Variants in IKZF1 observed in about 807,000 individuals in gnomAD.
IKZF1 encodes the protein IKAROS family zinc finger 1, also known as DNA-binding protein Ikaros.
Under a neutral mutation model 51.7 loss-of-function variants are expected in IKZF1, and 10 were observed. The observed-to-expected ratio is 0.19, with a 90% CI of 0.12 to 0.33. The LOEUF (loss-of-function observed/expected upper bound fraction) is 0.33, where lower values mean the gene tolerates loss of function less well. IKZF1 is among the 10% of genes least tolerant of loss of function. IKZF1 has a pLI of 1.00. For missense variants in IKZF1, 484 were observed against 707.5 expected (o/e 0.68, Z 3.58); for synonymous variants, 280 against 282.3 (o/e 0.99, Z 0.08).
intron 3 of IKZF1, among the ~76,000 whole-genome samples, chr7:50,371,697 A>G (rs536022924): frequency 6.1e-4 from 93 of 152,324 alleles, no homozygotes; most frequent in African/African-American, 2.2e-3. Context: ...TCAGGGGCCA[A>G]GCTGAGGAAG....
At chr7:50,337,611 G>T (rs921143056) in intron 3 of IKZF1, among the ~76,000 whole-genome samples, 5 of 152,216 alleles carry the variant, frequency 3.3e-5, no homozygotes, top group Non-Finnish European at 7.3e-5. Flanking sequence ...TAGAGTAGGT[G>T]CTGTCTGATA....
chr7:50,384,558 G>A (rs2153481110), intron 5 of IKZF1, among the ~76,000 whole-genome samples: 1 of 152,376 alleles, frequency 6.6e-6, no homozygotes, highest in South Asian at 2.1e-4. Flanking sequence ...GTTCCCCTGA[G>A]ATAGGAAGAC....
chr7:50,395,299 C>T (rs1335480235), intron 7 of IKZF1, among the ~76,000 whole-genome samples: 1 of 152,120 alleles, frequency 6.6e-6, no homozygotes, highest in African/African-American at 2.4e-5. Flanking sequence ...ACTTATCATA[C>T]ATGCCTTAAA....
At chr7:50,341,581 C>T (rs910175500) in intron 3 of IKZF1, among the ~76,000 whole-genome samples, 76 of 152,218 alleles carry the variant, frequency 5.0e-4, no homozygotes, top group African/African-American at 1.8e-3. Context: ...ATCTGTGGAA[C>T]ATTATTTGTG....
rs1250483988 is a variant in IKZF1 at position 50,315,278 on chromosome 7, T to TGGG, written c.-14-3769_-14-3767dup. ...AGGGAGGGAGAGACAGAGAAAGAGA[T>TGGG]GGGAGGTAGGTGTGGGAGGAGGGAG... is the stretch of plus-strand genomic sequence containing the variant. On this transcript the variant is annotated intron_variant, in intron 1 of 7. Coordinates refer to ENST00000331340, the MANE Select transcript of IKZF1 (RefSeq NM_006060.6). Among the ~76,000 whole-genome samples the TGGG allele has an allele frequency of 3.3e-5, 5 of 151,718 alleles. No individual in the cohort carries two copies. In the South Asian group the frequency reaches 1.0e-3, roughly 32 times the overall value.
chr7:50,310,338 T>A (rs1584370135), intron 1 of IKZF1, among the ~76,000 whole-genome samples: 1 of 152,200 alleles, frequency 6.6e-6, no homozygotes, highest in Non-Finnish European at 1.5e-5. Context: ...AATTTCAACT[T>A]ACTTAAGAGC....
chr7:50,319,875 G>C (rs1348463477), intron 2 of IKZF1, among the ~76,000 whole-genome samples: 1 of 152,212 alleles, frequency 6.6e-6, no homozygotes, highest in Non-Finnish European at 1.5e-5. Context: ...CCTTGGCTGA[G>C]CGCCCTCGTG....
Position 50,400,045 on chromosome 7 carries a change from C to T in IKZF1, c.978C>T (p.Ser326=). 1 of 1,609,284 alleles carries T rather than the reference C, an allele frequency of 6.2e-7. No individual in the cohort carries two copies. The highest frequency in any genetic ancestry group is 1.3e-5 in the African/African-American group (1 of 74,912). ...NNAINYLGAE[S]LRPLVQTPPG... is the part of the protein sequence containing the mutation. Reference sequence around the variant, plus strand: ...CCATCAACTACCTGGGGGCCGAGTCCCTGCGCCCGCTGGTGCAGACGCCCC... The same window carrying T: ...CCATCAACTACCTGGGGGCCGAGTCTCTGCGCCCGCTGGTGCAGACGCCCC... Residue 326 remains serine, a synonymous_variant, in exon 8 of 8, where the codon TCC becomes TCT. Coordinates refer to ENST00000331340, the MANE Select transcript of IKZF1 (RefSeq NM_006060.6). This position sits in a 1 kb window ranked among gnomAD's most constrained non-coding sequence, Gnocchi z 5.4.
At chr7:50,347,502 C>T (rs878986707) in intron 3 of IKZF1, among the ~76,000 whole-genome samples, 1 of 152,084 alleles carries the variant, frequency 6.6e-6, no homozygotes, top group African/African-American at 2.4e-5. Flanking sequence ...TTGCGAGTTG[C>T]CTAAAGTGGG....
Position 50,401,674 on chromosome 7 carries a change from T to A in IKZF1, c.*1047T>A, listed in dbSNP as rs1317520624. The A allele has an allele frequency of 2.7e-5, 6 of 218,688 alleles. No homozygotes were observed. The highest frequency in any genetic ancestry group is 5.5e-5 in the Non-Finnish European group (6 of 108,820). 13.5% of individuals were successfully genotyped at this position (218,688 alleles called of 1,614,324 possible). ...CATTTTAATTATGTACATCTGTTTG[T>A]AGCCACAAGCCTGAATTTCTCAGTG... On this transcript the variant is annotated 3_prime_UTR_variant, in exon 8 of 8. Transcript: ENST00000331340.
chr7:50,318,978 ATC>A (rs1792347828), intron 1 of IKZF1, 68 bp from the exon 2 acceptor site: 14 of 961,376 alleles, frequency 1.5e-5, no homozygotes, highest in Non-Finnish European at 2.0e-5. Context: ...GGGGTTCTTT[ATC>A]TCTCTCTCTT....
chr7:50,355,352 T>C (rs1158455611), intron 3 of IKZF1, among the ~76,000 whole-genome samples: 1 of 152,110 alleles, frequency 6.6e-6, no homozygotes, highest in East Asian at 1.9e-4. Flanking sequence ...AGTGAGCTAT[T>C]GAGGGGTTGA....
At chr7:50,394,903 T>C (rs73695636) in intron 7 of IKZF1, among the ~76,000 whole-genome samples, 5,982 of 152,288 alleles carry the variant, frequency 0.039, 259 homozygotes, top group African/African-American at 0.11. Context: ...TTGTATTAAA[T>C]AGCAATGATA....
At chr7:50,359,303 A>G (rs1375627003) in intron 3 of IKZF1, among the ~76,000 whole-genome samples, 1 of 152,210 alleles carries the variant, frequency 6.6e-6, no homozygotes, top group Non-Finnish European at 1.5e-5. Context: ...ACAAGTCACA[A>G]TTCCTTGCTC....
intron 6 of IKZF1, chr7:50,388,372 T>A (rs1314356245): frequency 2.6e-5 from 4 of 152,322 alleles, no homozygotes; most frequent in African/African-American, 9.6e-5. Context: ...AAGGGAAAAT[T>A]CACCAGAGTA....
chr7:50,341,597 T>C (rs1799083782), intron 3 of IKZF1, among the ~76,000 whole-genome samples: 1 of 152,348 alleles, frequency 6.6e-6, no homozygotes, highest in South Asian at 2.1e-4. Flanking sequence ...TTGTGAAATA[T>C]AGAAATCAGA....
At position 50,318,979 on chromosome 7, in the gene IKZF1, T is replaced by A; in HGVS notation, c.-14-69T>A. ...TGTTAAATAGCATAGGGGTTCTTTA[T>A]CTCTCTCTCTTTCTCATATCTTATT... On this transcript the variant is annotated intron_variant, in intron 1 of 7. Transcript: ENST00000331340. 3.1e-6 allele frequency: 3 copies of A among 970,106 alleles called. No individual in the cohort carries two copies. The Admixed American group carries it at 5.5e-5, about 18-fold the overall frequency. The allele number at this position is 970,106 out of a possible 1,614,324, so 60.1% of individuals were successfully genotyped here.
chr7:50,383,180 A>G (rs1447623719), intron 5 of IKZF1, among the ~76,000 whole-genome samples: 1 of 152,146 alleles, frequency 6.6e-6, no homozygotes, highest in African/African-American at 2.4e-5. Flanking sequence ...TTTAGGGCGC[A>G]CCCACCCAGA....
At chr7:50,328,335 C>A (rs1017212771) in intron 3 of IKZF1, 2 of 152,186 alleles carry the variant, frequency 1.3e-5, no homozygotes, top group Non-Finnish European at 2.9e-5. Context: ...CTTACACATG[C>A]GACAGTTTGT....
Sources: allele counts gnomAD v4.1 joint callset (sites outside exome capture counted in the v4.1 genomes callset), GRCh38; gene constraint gnomAD v4.1.1; non-coding constraint Gnocchi (gnomAD v3.1); transcripts MANE v1.5; gene names NCBI Gene and HGNC (gene_info 2026-07-23, HGNC 2026-07-21).